The following MON2 variants were observed in gnomAD, a reference collection of about 807,000 sequenced individuals.
MON2 encodes protein MON2 homolog.
Under a neutral mutation model 208.6 loss-of-function variants are expected in MON2, and 84 were observed. The ratio of observed to expected loss-of-function variants is 0.40; its 90% CI spans 0.34 to 0.48. MON2 has a LOEUF of 0.48. MON2 is among the 20% of genes least tolerant of loss of function. The pLI, the probability that MON2 is intolerant of heterozygous loss-of-function variation, is 0.59. For missense variants in MON2, 1,611 were observed against 2,015.4 expected (o/e 0.80, Z 3.84); for synonymous variants, 660 against 694.0 (o/e 0.95, Z 0.77).
chr12:62,520,113 C>T (rs139638391), intron 8 of MON2, among the ~76,000 whole-genome samples: 34 of 152,324 alleles, frequency 2.2e-4, no homozygotes, highest in African/African-American at 7.0e-4. Context: ...CACACCCTGC[C>T]GACACTTTCT....
intron 7 of MON2, among the ~76,000 whole-genome samples, chr12:62,502,540 C>T (rs1239577722): frequency 6.6e-6 from 1 of 151,730 alleles, no homozygotes; most frequent in Non-Finnish European, 1.5e-5. Flanking sequence ...TAGAAAGAAT[C>T]TCTAGAGACA....
At chr12:62,585,195 T>C in intron 32 of MON2, 99 bp from the exon 33 acceptor site, 2 of 890,268 alleles carry the variant, frequency 2.2e-6, no homozygotes, top group Non-Finnish European at 3.5e-6. Context: ...TTTCACCAGA[T>C]TGAGGAATTT....
In MON2 at chr12:62,537,637, A is replaced by G. The variant is rs199939127; in HGVS notation, c.2049A>G (p.Leu683=). The change falls in exon 16 of 35, where the codon TTA becomes TTG. Residue 683 remains leucine (L), a synonymous_variant. Coordinates refer to ENST00000393630, the MANE Select transcript of MON2 (RefSeq NM_015026.3). ...TSKNIQCMRT[L]LNLAHCHGAV... ...AAAATATCCAGTGTATGAGGACTTT[A>G]CTTAACTTGGCGCATTGCCATGGGG... is the stretch of plus-strand genomic sequence containing the variant. 8.7e-6 allele frequency: 14 copies of G among 1,613,222 alleles called. No individual in the cohort carries two copies. In the East Asian group the frequency reaches 2.9e-4, roughly 33 times the overall value.
At chr12:62,473,960 A>G (rs1404277549) in intron 1 of MON2, among the ~76,000 whole-genome samples, 2 of 151,502 alleles carry the variant, frequency 1.3e-5, no homozygotes, top group African/African-American at 4.9e-5. Context: ...ATCCACTCCT[A>G]TTGCCTCTGG....
Position 62,484,089 on chromosome 12 carries a change from G to T in MON2, c.112-81G>T, listed in dbSNP as rs561606675. The T allele has an allele frequency of 3.0e-6, 3 of 1,000,352 alleles. No individual in the cohort carries two copies. The East Asian group carries it at 7.3e-5, about 24-fold the overall frequency. The allele number at this position is 1,000,352 out of a possible 1,614,324, so 62.0% of individuals were successfully genotyped here. The stretch of plus-strand genomic sequence containing the variant: ...TGACTGACTTTGTGCTTGATATTTT[G>T]TCTATCACATATGACTTATTTTCCA... On this transcript the variant is annotated intron_variant, in intron 1 of 34. Coordinates refer to ENST00000393630, the MANE Select transcript of MON2 (RefSeq NM_015026.3).
chr12:62,572,815 A>G (rs558460145), intron 30 of MON2, among the ~76,000 whole-genome samples: 1 of 152,222 alleles, frequency 6.6e-6, no homozygotes, highest in African/African-American at 2.4e-5. Context: ...GTGTACTGCT[A>G]AATAACCATT....
At position 62,585,370 on chromosome 12, in the gene MON2, T is replaced by C; in HGVS notation, c.4776T>C (p.Ser1592=). The change falls in exon 33 of 35, where the codon AGT becomes AGC. Residue 1592 remains serine, a synonymous_variant. Transcript: ENST00000393630. Reference sequence around the variant, plus strand: ...AAACATTACTCCAGTTTTCCTTCAGTAATAAAGTCACAACACCTCAAGAAG... The same window carrying C: ...AAACATTACTCCAGTTTTCCTTCAGCAATAAAGTCACAACACCTCAAGAAG... ...CFETLLQFSF[S]NKVTTPQEGY... is the part of the protein sequence containing the mutation. 5 of 1,613,896 alleles carry C rather than the reference T, an allele frequency of 3.1e-6. No individual in the cohort carries two copies. The South Asian group carries it at 5.5e-5, about 18-fold the overall frequency.
intron 10 of MON2, among the ~76,000 whole-genome samples, chr12:62,525,463 T>G (rs2072283286): frequency 6.6e-6 from 1 of 152,228 alleles, no homozygotes; most frequent in South Asian, 2.1e-4. Flanking sequence ...GAACAAAAGT[T>G]TAGATGCTAA....
intron 34 of MON2, among the ~76,000 whole-genome samples, chr12:62,592,064 A>G (rs142499288): frequency 0.021 from 3,140 of 152,304 alleles, 60 homozygotes; most frequent in Middle Eastern, 0.054. Flanking sequence ...ACATCTAATG[A>G]TATACATTAA....
At chr12:62,559,474 C>G (rs1388826917) in intron 25 of MON2, among the ~76,000 whole-genome samples, 2 of 151,946 alleles carry the variant, frequency 1.3e-5, no homozygotes, top group African/African-American at 2.4e-5. Flanking sequence ...GAAACCCTAT[C>G]TCTACAAAAA....
rs1489801029 is a variant in MON2, at chr12:62,596,408, C to T, written c.*3659C>T. On this transcript the variant is annotated 3_prime_UTR_variant, in exon 35 of 35. Coordinates refer to ENST00000393630, the MANE Select transcript of MON2 (RefSeq NM_015026.3). Reference sequence around the variant, plus strand: ...CCCTTGGAATGGGTTAGTGTACAGGCTCAGAATATTGTGGATTACAGTTTT... The same window carrying T: ...CCCTTGGAATGGGTTAGTGTACAGGTTCAGAATATTGTGGATTACAGTTTT... 4 of 152,184 alleles carry T rather than the reference C, an allele frequency of 2.6e-5. No homozygotes were observed. The highest frequency in any genetic ancestry group is 9.7e-5 in the African/African-American group (4 of 41,444). The allele number at this position is 152,184 out of a possible 1,614,324, so 9.4% of individuals were successfully genotyped here.
intron 3 of MON2, 71 bp from the exon 4 acceptor site, chr12:62,494,944 AC>A: frequency 8.8e-7 from 1 of 1,140,948 alleles, no homozygotes; most frequent in East Asian, 2.6e-5. Flanking sequence ...AGGTTTGTAT[AC>A]CTTCTCTTAT....
intron 8 of MON2, among the ~76,000 whole-genome samples, chr12:62,520,261 G>A (rs1317419995): frequency 6.6e-6 from 1 of 151,922 alleles, no homozygotes; most frequent in Non-Finnish European, 1.5e-5. Flanking sequence ...TATTCCAAAT[G>A]TTATCACTTC....
intron 32 of MON2, among the ~76,000 whole-genome samples, chr12:62,581,382 T>TC (rs2074999037): frequency 6.6e-6 from 1 of 152,098 alleles, no homozygotes; most frequent in Non-Finnish European, 1.5e-5. Context: ...TGAGACTGCC[T>TC]CTGTCTCTAC....
intron 21 of MON2, among the ~76,000 whole-genome samples, chr12:62,546,614 C>A (rs1420048679): frequency 6.6e-6 from 1 of 152,008 alleles, no homozygotes; most frequent in East Asian, 1.9e-4. Context: ...ATTAGCCGGG[C>A]ATGGTGGTGC....
intron 19 of MON2, among the ~76,000 whole-genome samples, chr12:62,540,819 T>A (rs969492304): frequency 2.6e-5 from 4 of 152,228 alleles, no homozygotes; most frequent in African/African-American, 9.6e-5. Context: ...AAACCTTATA[T>A]TTTTAGATGG....
rs536856279 is a variant in MON2 at position 62,467,741 on chromosome 12, T to C, written c.111+423T>C. Among the ~76,000 whole-genome samples, 35 of 152,360 alleles carry C rather than the reference T, an allele frequency of 2.3e-4. No homozygotes were observed. The South Asian group carries it at 6.2e-3, about 27-fold the overall frequency. Reference sequence around the variant, plus strand: ...TCACTGAATTGGAAACAATTTTCCTTCTGGTATATATCATTCAGCTTAACT... The same window carrying C: ...TCACTGAATTGGAAACAATTTTCCTCCTGGTATATATCATTCAGCTTAACT... On this transcript the variant is annotated intron_variant, in intron 1 of 34. Transcript: ENST00000393630.
At chr12:62,486,071 A>G (rs1173061788) in intron 2 of MON2, among the ~76,000 whole-genome samples, 3 of 152,146 alleles carry the variant, frequency 2.0e-5, no homozygotes, top group African/African-American at 7.2e-5. Context: ...GTGTTTAAAG[A>G]AAAATGATGA....
intron 8 of MON2, among the ~76,000 whole-genome samples, chr12:62,514,550 T>G (rs1307570766): frequency 6.6e-6 from 1 of 152,156 alleles, no homozygotes; most frequent in African/African-American, 2.4e-5. Context: ...CCATCAGATC[T>G]CATGAGATTT....
Sources: gnomAD v4.1 joint callset for allele counts (sites outside exome capture counted in the v4.1 genomes callset) on GRCh38, gnomAD v4.1.1 for gene constraint, MANE v1.5 for transcripts, NCBI Gene and HGNC (gene_info 2026-07-23, HGNC 2026-07-21) for gene names.